Variants in HABP2 observed in about 807,000 individuals in gnomAD.
HABP2 encodes the protein hyaluronan binding protein 2.
HABP2 carries 65 observed loss-of-function variants against 66.5 expected under a neutral mutation model. That is an observed-to-expected ratio of 0.98 (90% CI 0.80 to 1.20). HABP2 has a LOEUF of 1.20. HABP2 is among the 50% of genes most tolerant of loss of function. The probability of loss-of-function intolerance (pLI) is 0.00; values close to 1 mark genes in which losing one functional copy is unlikely to be tolerated. For missense variants in HABP2, 786 were observed against 691.0 expected (o/e 1.14, Z -1.54); for synonymous variants, 263 against 253.9 (o/e 1.04, Z -0.34).
chr10:113,578,717 C>G lies in HABP2; in HGVS notation c.659C>G (p.Ser220Cys), dbSNP rs201294830. The G allele has an allele frequency of 5.6e-6, 9 of 1,609,424 alleles. No homozygotes were observed. The East Asian group carries it at 2.0e-4, about 36-fold the overall frequency. Reference sequence around the variant, plus strand: ...CAGCATGCGTGCCTTTACTGGAACTCCCACCTCCTCTTGCAGGAGAATTAC... The same window carrying G: ...CAGCATGCGTGCCTTTACTGGAACTGCCACCTCCTCTTGCAGGAGAATTAC... ...VNQHACLYWNSHLLLQENYNM... is the reference protein window; with the variant it reads ...VNQHACLYWNCHLLLQENYNM... The change falls in exon 7 of 13, where the codon TCC becomes TGC. Residue 220 changes from serine (S) to cysteine (C), a missense_variant. By Grantham distance (112) the Ser-to-Cys change is moderately radical. Transcript: ENST00000351270.
chr10:113,588,350 A>AAAG lies in HABP2; in HGVS notation c.1665_1667dup (p.Lys555_Ser556insArg). ...CTGAATTGGATCAAAGCCACCATCA[A>AAAG]AAGTGAAAGTGGCTTCTAAGGTACT... is the stretch of plus-strand genomic sequence containing the variant. On this transcript the variant is annotated inframe_insertion, in exon 13 of 13. Transcript: ENST00000351270. 6.2e-7 allele frequency: 1 copy of AAAG among 1,613,186 alleles called. No homozygotes were observed. The highest frequency in any genetic ancestry group is 8.5e-7 in the Non-Finnish European group (1 of 1,179,532).
intron 2 of HABP2, among the ~76,000 whole-genome samples, chr10:113,567,947 C>T (rs557218712): frequency 1.8e-4 from 28 of 152,300 alleles, no homozygotes; most frequent in African/African-American, 5.3e-4. Context: ...GGGCGGCCTC[C>T]GGGCTGACCT....
chr10:113,589,492 T>A lies in HABP2; in HGVS notation c.*1123T>A. 1 of 710,742 alleles carries A rather than the reference T, an allele frequency of 1.4e-6. No homozygotes were observed. The highest frequency in any genetic ancestry group is 2.3e-6 in the Non-Finnish European group (1 of 437,330). 44.0% of individuals were successfully genotyped at this position (710,742 alleles called of 1,614,324 possible). ...CCCTGCAGGAAGTTTAACCTGCGTG[T>A]CATCTGCCTGGTCATCTCAGACCCA... On this transcript the variant is annotated 3_prime_UTR_variant, in exon 13 of 13. Transcript: ENST00000351270.
chr10:113,578,879 C>T lies in HABP2; in HGVS notation c.740+81C>T, dbSNP rs1428875315. 26 of 958,372 alleles carry T rather than the reference C, an allele frequency of 2.7e-5. No homozygotes were observed. The South Asian group carries it at 3.3e-4, about 12-fold the overall frequency. 59.4% of individuals were successfully genotyped at this position (958,372 alleles called of 1,614,324 possible). ...TCATTGAAATTCATCAGCCTCCTTT[C>T]TAGGAAGATTTTCTTACTCAGCAAG... is the stretch of plus-strand genomic sequence containing the variant. On this transcript the variant is annotated intron_variant, in intron 7 of 12. Transcript: ENST00000351270.
intron 2 of HABP2, chr10:113,569,613 A>G (rs1347586814): frequency 6.6e-6 from 1 of 152,358 alleles, no homozygotes; most frequent in Non-Finnish European, 1.5e-5. Flanking sequence ...GTAGCCAGCA[A>G]ACAGCACAGA....
At chr10:113,579,023 G>A (rs1488358184) in intron 7 of HABP2, among the ~76,000 whole-genome samples, 2 of 151,634 alleles carry the variant, frequency 1.3e-5, no homozygotes, top group African/African-American at 4.9e-5. Context: ...TTCAGAGGCT[G>A]ATGCAGGCAG....
rs755140777 is a variant in HABP2 at position 113,578,072 on chromosome 10, C to T, written c.495C>T (p.Cys165=). ...RPNPCQNGAT[C]SRHKRRSKFT... is the part of the protein sequence containing the mutation. ...ACCCCTGCCAGAATGGGGCTACCTGCTCCCGGCATAAGCGGAGATCCAAGT... is the reference window on the plus strand; with the variant it reads ...ACCCCTGCCAGAATGGGGCTACCTGTTCCCGGCATAAGCGGAGATCCAAGT... The change falls in exon 6 of 13, where the codon TGC becomes TGT. Residue 165 remains cysteine, a synonymous_variant. Transcript: ENST00000351270. 41 of 1,613,998 alleles carry T rather than the reference C, an allele frequency of 2.5e-5. No individual in the cohort carries two copies. The highest frequency in any genetic ancestry group is 8.3e-5 in the Admixed American group (5 of 60,016).
In HABP2 at chr10:113,577,190, A is replaced by G. The variant is rs1417730446; in HGVS notation, c.372A>G (p.Gln124=). 5.6e-6 allele frequency: 9 copies of G among 1,612,866 alleles called. No individual in the cohort carries two copies. Among genetic ancestry groups the G allele is most frequent in the Non-Finnish European group, 7.6e-6 (9 of 1,178,946 alleles). Residue 124 remains glutamine (Q), a synonymous_variant, in exon 5 of 13, where the codon CAA becomes CAG. Coordinates refer to ENST00000351270, the MANE Select transcript of HABP2 (RefSeq NM_004132.5). ...TCKDNPCGRG[Q]CLITQSPPYY... is the part of the protein sequence containing the mutation. The stretch of plus-strand genomic sequence containing the variant: ...AGGACAACCCATGTGGCCGGGGCCA[A>G]TGTCTCATTACCCAGAGTCCTCCCT...
intron 10 of HABP2, among the ~76,000 whole-genome samples, 169 bp downstream of exon 10, chr10:113,583,527 G>T (rs1845580400): frequency 6.6e-6 from 1 of 152,154 alleles, no homozygotes; most frequent in Admixed American, 6.5e-5. Flanking sequence ...GAGGGTATGT[G>T]CAAATGTAGA....
At chr10:113,560,836 A>T (rs186165691) in intron 1 of HABP2, among the ~76,000 whole-genome samples, 36 of 152,342 alleles carry the variant, frequency 2.4e-4, no homozygotes, top group African/African-American at 8.4e-4. Flanking sequence ...AGAGACAGAA[A>T]GTAGGCTAGA....
chr10:113,581,204 C>G (rs940706807), intron 8 of HABP2, among the ~76,000 whole-genome samples: 4 of 152,218 alleles, frequency 2.6e-5, no homozygotes, highest in Admixed American at 2.6e-4. Flanking sequence ...ATGGTTACTT[C>G]TGTCTATAAC....
chr10:113,558,787 C>T (rs79532728), intron 1 of HABP2, among the ~76,000 whole-genome samples: 4 of 152,142 alleles, frequency 2.6e-5, no homozygotes, highest in Non-Finnish European at 4.4e-5. Flanking sequence ...AAAAGGGAAA[C>T]ATGGGGGCTT....
Position 113,563,731 on chromosome 10 carries a change from G to T in HABP2, c.70-3758G>T, listed in dbSNP as rs11575710. ...AATGCTGGCCCAGGTGCAGGTCCTG[G>T]AGGGCCCTTCCTTGCTGGACCCCGA... On this transcript the variant is annotated intron_variant, in intron 1 of 12. Coordinates refer to ENST00000351270, the MANE Select transcript of HABP2 (RefSeq NM_004132.5). Among the ~76,000 whole-genome samples, 721 of 152,334 alleles carry T rather than the reference G, an allele frequency of 4.7e-3. 7 individuals are homozygous for T. The highest frequency in any genetic ancestry group is 0.016 in the African/African-American group (678 of 41,580).
chr10:113,573,386 A>C (rs1222551345), intron 2 of HABP2, among the ~76,000 whole-genome samples: 1 of 152,210 alleles, frequency 6.6e-6, no homozygotes, highest in Non-Finnish European at 1.5e-5. Context: ...TCCTTGGGAA[A>C]TTCCTAATGA....
At chr10:113,586,921 G>A (rs999905619) in intron 12 of HABP2, among the ~76,000 whole-genome samples, 17 of 152,266 alleles carry the variant, frequency 1.1e-4, no homozygotes, top group African/African-American at 4.1e-4. Flanking sequence ...GTGACTATCT[G>A]TCTCTTCCCA....
chr10:113,589,072 G>GC lies in HABP2; in HGVS notation c.*709dup, dbSNP rs765182837. 6.1e-5 allele frequency: 99 copies of GC among 1,613,086 alleles called. 1 individual carries two copies. The highest frequency in any genetic ancestry group is 4.2e-4 in the East Asian group (19 of 44,870). On this transcript the variant is annotated 3_prime_UTR_variant, in exon 13 of 13. Coordinates refer to ENST00000351270, the MANE Select transcript of HABP2 (RefSeq NM_004132.5). ...ATGATCTCCAGCCTCCACTGCTTCTGCCCCCCGCTGCTGAAATCAAACATA... is the reference window on the plus strand; with the variant it reads ...ATGATCTCCAGCCTCCACTGCTTCTGCCCCCCCGCTGCTGAAATCAAACATA...
chr10:113,559,930 G>C (rs909600047), intron 1 of HABP2, among the ~76,000 whole-genome samples: 126 of 152,308 alleles, frequency 8.3e-4, no homozygotes, highest in African/African-American at 2.9e-3. Context: ...ACTTGAGCCT[G>C]AGTCCCTCCC....
intron 4 of HABP2, 45 bp downstream of exon 4, chr10:113,576,049 A>G: frequency 9.8e-7 from 1 of 1,022,654 alleles, no homozygotes. Flanking sequence ...GAGTTAAACA[A>G]GAGGCAGTCC....
chr10:113,578,977 C>T (rs561201765), intron 7 of HABP2, among the ~76,000 whole-genome samples, 179 bp downstream of exon 7: 19 of 152,080 alleles, frequency 1.2e-4, no homozygotes, highest in African/African-American at 4.3e-4. Context: ...TATTTCTGGG[C>T]TGGTTGCTGT....
Sources: allele counts gnomAD v4.1 joint callset (sites outside exome capture counted in the v4.1 genomes callset), GRCh38; gene constraint gnomAD v4.1.1; transcripts MANE v1.5; gene names NCBI Gene and HGNC (gene_info 2026-07-23, HGNC 2026-07-21).